The following FSD1L variants were observed in gnomAD, a reference collection of about 807,000 sequenced individuals.
FSD1L encodes the protein fibronectin type III and SPRY domain containing 1 like.
A neutral mutation model predicts 71.6 loss-of-function variants in FSD1L; 45 were observed. The ratio of observed to expected loss-of-function variants is 0.63; its 90% CI spans 0.49 to 0.81. FSD1L has a LOEUF of 0.81. Ranked by LOEUF, FSD1L falls within the 30% of genes least tolerant of loss-of-function variation. FSD1L has a pLI of 0.00. For synonymous variants in FSD1L, 197 were observed against 207.2 expected (o/e 0.95, Z 0.42); for missense variants, 561 against 618.1 (o/e 0.91, Z 0.98).
At chr9:105,532,665 C>T (rs1459334006) in intron 10 of FSD1L, among the ~76,000 whole-genome samples, 1 of 152,236 alleles carries the variant, frequency 6.6e-6, no homozygotes, top group Non-Finnish European at 1.5e-5. Flanking sequence ...TACCTATCCA[C>T]ATTCAGCTTT....
chr9:105,516,209 A>G (rs552834736), intron 10 of FSD1L, among the ~76,000 whole-genome samples: 15 of 152,220 alleles, frequency 9.9e-5, no homozygotes, highest in African/African-American at 3.1e-4. Flanking sequence ...TTATAGATAA[A>G]ACCCCTATCT....
At chr9:105,514,371 C>G (rs1425558517) in intron 10 of FSD1L, among the ~76,000 whole-genome samples, 1 of 152,146 alleles carries the variant, frequency 6.6e-6, no homozygotes, top group Non-Finnish European at 1.5e-5. Flanking sequence ...TACGTATAGG[C>G]TACTTGTCGA....
chr9:105,508,586 A>G, intron 8 of FSD1L, 31 bp from the exon 9 acceptor site: 4 of 1,293,966 alleles, frequency 3.1e-6, no homozygotes, highest in Non-Finnish European at 4.4e-6. Flanking sequence ...TTTACTGTAC[A>G]TGTCTGAAAA....
At chr9:105,534,351 G>A (rs1836124056) in intron 10 of FSD1L, 142 bp from the exon 11 acceptor site, 2 of 549,982 alleles carry the variant, frequency 3.6e-6, no homozygotes, top group South Asian at 4.8e-5. Flanking sequence ...TAATTAACTA[G>A]TTCAGATCAA....
intron 13 of FSD1L, among the ~76,000 whole-genome samples, chr9:105,543,704 T>C (rs1476394400): frequency 6.6e-6 from 1 of 152,186 alleles, no homozygotes; most frequent in Non-Finnish European, 1.5e-5. Context: ...GTCCCTGCGA[T>C]AGTTTGCTGA....
chr9:105,463,154 T>TA (rs35129913), intron 2 of FSD1L, among the ~76,000 whole-genome samples: 147,685 of 149,916 alleles, frequency 0.99, 72,770 homozygotes, highest in Middle Eastern at 1. Flanking sequence ...AAAAAAAACT[T>TA]AAAAAAAAAA....
chr9:105,513,966 CATT>C (rs1834547534), intron 10 of FSD1L, among the ~76,000 whole-genome samples: 1 of 152,168 alleles, frequency 6.6e-6, no homozygotes, highest in African/African-American at 2.4e-5. Context: ...GTTAGTCTAA[CATT>C]ATAGCTTCGC....
At chr9:105,535,901 C>T (rs920811412) in intron 12 of FSD1L, among the ~76,000 whole-genome samples, 2 of 152,096 alleles carry the variant, frequency 1.3e-5, no homozygotes, top group African/African-American at 2.4e-5. Flanking sequence ...ACACTTGAAA[C>T]GAATGGAATG....
At chr9:105,497,339 T>G (rs1833477798) in intron 7 of FSD1L, among the ~76,000 whole-genome samples, 2 of 152,206 alleles carry the variant, frequency 1.3e-5, no homozygotes, top group South Asian at 4.1e-4. Flanking sequence ...TGGAGTAATA[T>G]CTTTGTCAGT....
At chr9:105,543,211 A>G (rs1836741950) in intron 13 of FSD1L, among the ~76,000 whole-genome samples, 1 of 152,158 alleles carries the variant, frequency 6.6e-6, no homozygotes, top group African/African-American at 2.4e-5. Context: ...GTAGATATTG[A>G]ACACTTAAGG....
upstream of FSD1L, among the ~76,000 whole-genome samples, chr9:105,444,571 A>T (rs1829602276): frequency 6.6e-6 from 1 of 152,214 alleles, no homozygotes; most frequent in Non-Finnish European, 1.5e-5. Flanking sequence ...CTCAGAGAGG[A>T]TACAGAACCT....
chr9:105,543,810 A>AT lies in FSD1L; in HGVS notation c.1468-2544dup, dbSNP rs535134216. ...GTATTCCCTGGTGTATATGTGCCAC[A>AT]TTTTCTTAATCCAGTCTATCATTGA... On this transcript the variant is annotated intron_variant, in intron 13 of 13. Coordinates refer to ENST00000481272, the MANE Select transcript of FSD1L (RefSeq NM_001145313.3). 9.2e-5 allele frequency among the ~76,000 whole-genome samples: 14 copies of AT among 152,076 alleles called. No individual in the cohort carries two copies. The East Asian group carries it at 2.7e-3, about 29-fold the overall frequency.
At position 105,526,202 on chromosome 9, in the gene FSD1L, C is replaced by T. The variant is rs1006437673; in HGVS notation, c.1026-8291C>T. Reference sequence around the variant, plus strand: ...ATAAATGCAAGCCGTGCTCTGAAATCTCTGATTCCATTGTATCAAAACTTC... The same window carrying T: ...ATAAATGCAAGCCGTGCTCTGAAATTTCTGATTCCATTGTATCAAAACTTC... On this transcript the variant is annotated intron_variant, in intron 10 of 13. Coordinates refer to ENST00000481272, the MANE Select transcript of FSD1L (RefSeq NM_001145313.3). 1.4e-5 allele frequency: 23 copies of T among 1,595,458 alleles called. No individual in the cohort carries two copies. The African/African-American group carries it at 2.7e-4, about 19-fold the overall frequency.
rs528609973 is a variant in FSD1L at position 105,501,436 on chromosome 9, T to C, written c.587-4963T>C. 1.7e-4 allele frequency among the ~76,000 whole-genome samples: 26 copies of C among 152,260 alleles called. No homozygotes were observed. The South Asian group carries it at 5.4e-3, about 32-fold the overall frequency. On this transcript the variant is annotated intron_variant, in intron 7 of 13. Coordinates refer to ENST00000481272, the MANE Select transcript of FSD1L (RefSeq NM_001145313.3). ...AGTTCCCATCGTTTACAGTTTTTTATTGTTTGAGACAGGGTATTTCTCTAT... is the reference window on the plus strand; with the variant it reads ...AGTTCCCATCGTTTACAGTTTTTTACTGTTTGAGACAGGGTATTTCTCTAT...
chr9:105,497,963 C>A (rs965795758), intron 7 of FSD1L, among the ~76,000 whole-genome samples: 4 of 152,166 alleles, frequency 2.6e-5, no homozygotes, highest in Admixed American at 2.6e-4. Context: ...CCTGCCACAG[C>A]CTTCTCAGTA....
intron 5 of FSD1L, among the ~76,000 whole-genome samples, chr9:105,478,457 G>C (rs1729280550): frequency 6.6e-6 from 1 of 152,090 alleles, no homozygotes; most frequent in African/African-American, 2.4e-5. Flanking sequence ...TTTTTGCTAG[G>C]CACTGGGGAT....
chr9:105,488,981 G>C (rs569113875), intron 7 of FSD1L, among the ~76,000 whole-genome samples: 45 of 152,068 alleles, frequency 3.0e-4, no homozygotes, highest in Non-Finnish European at 5.0e-4. Context: ...CCTTCTTACA[G>C]CCAGAGAAAT....
chr9:105,501,205 C>A (rs750993111), intron 7 of FSD1L, among the ~76,000 whole-genome samples: 1 of 151,862 alleles, frequency 6.6e-6, no homozygotes, highest in African/African-American at 2.4e-5. Context: ...CAATATAACA[C>A]AATAAAATTG....
chr9:105,485,325 G>A (rs1057108481), intron 7 of FSD1L, among the ~76,000 whole-genome samples: 1 of 152,006 alleles, frequency 6.6e-6, no homozygotes, highest in Non-Finnish European at 1.5e-5. Flanking sequence ...ATGCAAAAAA[G>A]GCAAAACAAG....
Sources: gnomAD v4.1 joint callset for allele counts (sites outside exome capture counted in the v4.1 genomes callset) on GRCh38, gnomAD v4.1.1 for gene constraint, MANE v1.5 for transcripts, NCBI Gene and HGNC (gene_info 2026-07-23, HGNC 2026-07-21) for gene names.